FRMD4A: variants seen among roughly 807,000 people sequenced by gnomAD.
The protein encoded by FRMD4A is FERM domain containing 4A.
Under a neutral mutation model 129.1 loss-of-function variants are expected in FRMD4A, and 29 were observed. The ratio of observed to expected loss-of-function variants is 0.22; its 90% CI spans 0.17 to 0.31. The LOEUF (loss-of-function observed/expected upper bound fraction) is 0.31. Among genes scored for constraint, FRMD4A ranks in the 10% least tolerant of loss-of-function variants. The pLI is 1.00. For synonymous variants in FRMD4A, 634 were observed against 571.6 expected, an observed-to-expected ratio of 1.11 and a Z score of -1.56; for missense variants, 1,272 against 1,375.8, an observed-to-expected ratio of 0.92 and a Z score of 1.19.
chr10:13,664,803 T>C (rs1463293242), intron 18 of FRMD4A, among the ~76,000 whole-genome samples: 1 of 152,146 alleles, frequency 6.6e-6, no homozygotes, highest in African/African-American at 2.4e-5. Context: ...CTCAAACCTC[T>C]GGCTCAAGTA....
At chr10:14,023,566 C>G (rs1832858740) in intron 2 of FRMD4A, among the ~76,000 whole-genome samples, 1 of 152,170 alleles carries the variant, frequency 6.6e-6, no homozygotes, top group South Asian at 2.1e-4. Context: ...GCCTTACCAC[C>G]TGTGTATTTC....
At chr10:13,753,277 T>A (rs988734680) in intron 8 of FRMD4A, among the ~76,000 whole-genome samples, 1 of 152,170 alleles carries the variant, frequency 6.6e-6, no homozygotes. Context: ...CTCCGCCCAA[T>A]CACATGCTTT....
intron 15 of FRMD4A, among the ~76,000 whole-genome samples, chr10:13,682,360 C>A (rs958736716): frequency 6.6e-6 from 1 of 152,098 alleles, no homozygotes; most frequent in Non-Finnish European, 1.5e-5. Context: ...TACCACCCAC[C>A]GTGGCCACAT....
rs66498751 is a variant in FRMD4A, at chr10:14,089,630, C to A, written c.46-230718G>T. 0.014 allele frequency among the ~76,000 whole-genome samples: 1,821 copies of A among 130,080 alleles called. 81 individuals are homozygous for A. The East Asian group carries it at 0.17, about 12-fold the overall frequency. 85.3% of individuals were successfully genotyped at this position (130,080 alleles called of 152,430 possible). On this transcript the variant is annotated intron_variant, in intron 2 of 24. Transcript: ENST00000357447. ...TCACCTTTTCAAGCAAAAAAAAAAA[C>A]AAAAAAAAACAAACAAAAAAAAAAC...
At chr10:14,052,669 C>T (rs11815113) in intron 2 of FRMD4A, among the ~76,000 whole-genome samples, 69,742 of 151,762 alleles carry the variant, frequency 0.46, 16,595 homozygotes, top group Middle Eastern at 0.58. Context: ...AGTGATTCTC[C>T]GGCCTCAGCC....
At position 13,804,523 on chromosome 10, in the gene FRMD4A, T is replaced by TTTTCTTTCTTTCTTTCTTTCTTTC. The variant is rs35515807; in HGVS notation, c.206+6290_206+6291insGAAAGAAAGAAAGAAAGAAAGAAA. Among the ~76,000 whole-genome samples, 171 of 146,750 alleles carry TTTTCTTTCTTTCTTTCTTTCTTTC rather than the reference T, an allele frequency of 1.2e-3. 7 individuals carry two copies. The highest frequency in any genetic ancestry group is 2.6e-3 in the African/African-American group (101 of 39,240). ...GATGCATCTTCAATGAGTCAGGACT[T>TTTTCTTTCTTTCTTTCTTTCTTTC]TTTCTTTCTTTCTTTCTTTCTTTAT... is the stretch of plus-strand genomic sequence containing the variant. On this transcript the variant is annotated intron_variant, in intron 4 of 24. Transcript: ENST00000357447.
intron 2 of FRMD4A, among the ~76,000 whole-genome samples, chr10:14,125,542 G>T (rs570146258): frequency 2.0e-5 from 3 of 152,284 alleles, no homozygotes; most frequent in African/African-American, 7.2e-5. Context: ...GGAACAATCT[G>T]GGTGAGAGGG....
chr10:13,890,494 AG>A (rs1482012062), intron 2 of FRMD4A: 3 of 969,490 alleles, frequency 3.1e-6, no homozygotes, highest in Non-Finnish European at 3.7e-6. Context: ...CAGAGGTGGA[AG>A]GGGGGTACCA....
intron 2 of FRMD4A, among the ~76,000 whole-genome samples, chr10:14,209,146 ATC>A (rs1235924840): frequency 2.6e-5 from 4 of 151,644 alleles, no homozygotes; most frequent in African/African-American, 9.7e-5. Flanking sequence ...TCACTCCAAT[ATC>A]TCTGCTGCCG....
rs180765291 is a variant in FRMD4A, at chr10:13,971,818, C to T, written c.46-112906G>A. 4.4e-5 allele frequency: 58 copies of T among 1,304,348 alleles called. 1 individual carries two copies. In the South Asian group the frequency reaches 4.9e-4, roughly 11 times the overall value. 80.8% of individuals were successfully genotyped at this position (1,304,348 alleles called of 1,614,324 possible). On this transcript the variant is annotated intron_variant, in intron 2 of 24. Transcript: ENST00000357447. ...CAGCCATGCCAGCCCCAGACTCTGC[C>T]GCCAACCCTCTGGTCCCTGGCCCCA... is the stretch of plus-strand genomic sequence containing the variant.
intron 2 of FRMD4A, among the ~76,000 whole-genome samples, chr10:14,018,912 T>C (rs1431060917): frequency 2.0e-5 from 3 of 152,082 alleles, no homozygotes; most frequent in South Asian, 2.1e-4. Context: ...AGCCTGTAAA[T>C]GCAGCTCTGG....
At chr10:14,058,466 T>A (rs9783231) in intron 2 of FRMD4A, among the ~76,000 whole-genome samples, 7,637 of 152,294 alleles carry the variant, frequency 0.05, 322 homozygotes, top group East Asian at 0.13. Context: ...AGAAGAAATG[T>A]AAATGATGTT....
chr10:14,176,936 C>T (rs903852811), intron 2 of FRMD4A, among the ~76,000 whole-genome samples: 2 of 152,192 alleles, frequency 1.3e-5, no homozygotes, highest in African/African-American at 4.8e-5. Flanking sequence ...ACCATTAAAA[C>T]GACTTGTTAT....
At chr10:14,127,944 T>TTCTTTCTTTCTTTCTTTCTTTCTC (rs1564319043) in intron 2 of FRMD4A, among the ~76,000 whole-genome samples, 1 of 15,276 alleles carries the variant, frequency 6.5e-5, no homozygotes, top group African/African-American at 4.3e-4. Context: ...CTTTCTTTCT[T>TTCTTTCTTTCTTTCTTTCTTTCTC]TCTTTCTTTC....
At chr10:14,071,699 T>C (rs1222358321) in intron 2 of FRMD4A, among the ~76,000 whole-genome samples, 5 of 152,070 alleles carry the variant, frequency 3.3e-5, no homozygotes, top group Non-Finnish European at 7.4e-5. Flanking sequence ...GGCTTGGGTG[T>C]TCTTGGTGGC....
chr10:13,693,736 T>A, intron 15 of FRMD4A, 162 bp downstream of exon 15: 1 of 797,088 alleles, frequency 1.3e-6, no homozygotes, highest in African/African-American at 1.7e-5. Context: ...AGCAGTTTTC[T>A]CAGATTCGCA....
chr10:13,767,783 G>T (rs1009052417), intron 6 of FRMD4A, among the ~76,000 whole-genome samples: 2 of 152,180 alleles, frequency 1.3e-5, no homozygotes, highest in Non-Finnish European at 1.5e-5. Context: ...GCAATCCACA[G>T]CTCTGCGGTG....
chr10:14,052,509 A>G (rs1465057062), intron 2 of FRMD4A, among the ~76,000 whole-genome samples: 1 of 152,156 alleles, frequency 6.6e-6, no homozygotes, highest in East Asian at 1.9e-4. Context: ...GGGAGCCAGC[A>G]TGACATGGCA....
At chr10:14,238,257 C>T (rs1425430859) in intron 2 of FRMD4A, among the ~76,000 whole-genome samples, 1 of 152,178 alleles carries the variant, frequency 6.6e-6, no homozygotes, top group Non-Finnish European at 1.5e-5. Context: ...TTCCAAGTTT[C>T]TAGGAGAAGT....
Sources: gnomAD v4.1 joint callset for allele counts (sites outside exome capture counted in the v4.1 genomes callset) on GRCh38, gnomAD v4.1.1 for gene constraint, MANE v1.5 for transcripts, NCBI Gene and HGNC (gene_info 2026-07-23, HGNC 2026-07-21) for gene names.